The following BRSK2 variants were observed in gnomAD, a reference collection of about 807,000 sequenced individuals.
The protein encoded by BRSK2 is BR serine/threonine kinase 2.
BRSK2 carries 19 observed loss-of-function variants against 83.3 expected under a neutral mutation model. The observed-to-expected ratio is 0.23, with a 90% CI of 0.16 to 0.33. The LOEUF (loss-of-function observed/expected upper bound fraction) is 0.33. Among genes scored for constraint, BRSK2 ranks in the 10% least tolerant of loss-of-function variants. BRSK2 has a pLI of 1.00. For synonymous variants in BRSK2, 519 were observed against 435.4 expected (o/e 1.19, Z -2.39); for missense variants, 798 against 1,042.3 (o/e 0.77, Z 3.23).
intron 13 of BRSK2, 79 bp from the exon 14 acceptor site, chr11:1,450,508 C>T (rs1014469395): frequency 1.7e-5 from 12 of 691,398 alleles, no homozygotes; most frequent in South Asian, 3.7e-5. Context: ...CACCCCTGGG[C>T]CCGCCTGCCC....
chr11:1,410,365 G>A lies in BRSK2; in HGVS notation c.91+19990G>A, dbSNP rs968147315. On this transcript the variant is annotated intron_variant, in intron 1 of 19. Coordinates refer to ENST00000528841, the MANE Select transcript of BRSK2 (RefSeq NM_001256627.2). ...GTTTGTGACGTCGGCCTCGCAGAGC[G>A]GTGACGGTCGCAGAGTCCGTGTTTG... The A allele has an allele frequency of 3.7e-6, 3 of 801,874 alleles. No homozygotes were observed. The African/African-American group carries it at 6.2e-5, about 17-fold the overall frequency. The allele number at this position is 801,874 out of a possible 1,614,324, so 49.7% of individuals were successfully genotyped here. A position where few individuals can be genotyped will look rare whatever the true frequency, so the allele number is the denominator to read the frequency against.
At chr11:1,391,295 C>A (rs1163957505) in intron 1 of BRSK2, among the ~76,000 whole-genome samples, 1 of 152,142 alleles carries the variant, frequency 6.6e-6, no homozygotes, top group Admixed American at 6.5e-5. Context: ...TCCCCGAGGT[C>A]CCACGGCACT....
At chr11:1,459,315 C>T in intron 19 of BRSK2, 76 bp downstream of exon 19, 2 of 1,553,218 alleles carry the variant, frequency 1.3e-6, no homozygotes, top group Middle Eastern at 1.7e-4. Flanking sequence ...GTGGCCGCCA[C>T]CTGCCGCCCG....
In BRSK2 at chr11:1,449,773, C is replaced by T. The variant is rs1395036311; in HGVS notation, c.1227-3C>T. 5 of 1,611,866 alleles carry T rather than the reference C, an allele frequency of 3.1e-6. No individual in the cohort carries two copies. Among genetic ancestry groups the T allele is most frequent in the Admixed American group, 1.7e-5 (1 of 59,930 alleles). ...CAGTGGCCCTGTACCTTGTGACCTC[C>T]AGGTCTCGGTCCATCAGCGGTGCCT... On this transcript the variant is annotated splice_region_variant and splice_polypyrimidine_tract_variant and intron_variant, in intron 12 of 19. Transcript: ENST00000528841.
At chr11:1,451,856 CCTTT>C (rs1283311801) in intron 15 of BRSK2, among the ~76,000 whole-genome samples, 1 of 152,174 alleles carries the variant, frequency 6.6e-6, no homozygotes, top group Non-Finnish European at 1.5e-5. Flanking sequence ...GGCCCCGCCG[CCTTT>C]CTGAGCCGTG....
At chr11:1,458,950 G>GTGGCTCCGCCTTGTTCCC (rs1329038562) in intron 18 of BRSK2, among the ~76,000 whole-genome samples, 1 of 152,156 alleles carries the variant, frequency 6.6e-6, no homozygotes, top group East Asian at 1.9e-4. Context: ...TGCTGCCCAG[G>GTGGCTCCGCCTTGTTCCC]TGGCTCCGCC....
Position 1,454,709 on chromosome 11 carries a change from C to G in BRSK2, c.1668+101C>G. On this transcript the variant is annotated intron_variant, in intron 16 of 19. Coordinates refer to ENST00000528841, the MANE Select transcript of BRSK2 (RefSeq NM_001256627.2). This position sits in a 1 kb window ranked among gnomAD's most constrained non-coding sequence, Gnocchi z 5.2. Reference sequence around the variant, plus strand: ...CTCACGTAGACAGGACATGTCCACGCGCACAGCACGGACGTCCGCTCACCC... The same window carrying G: ...CTCACGTAGACAGGACATGTCCACGGGCACAGCACGGACGTCCGCTCACCC... 1 of 1,445,684 alleles carries G rather than the reference C, an allele frequency of 6.9e-7. No individual in the cohort carries two copies. The highest frequency in any genetic ancestry group is 9.4e-7 in the Non-Finnish European group (1 of 1,060,674). 89.6% of individuals were successfully genotyped at this position (1,445,684 alleles called of 1,614,324 possible). A position where few individuals can be genotyped will look rare whatever the true frequency, so the allele number is the denominator to read the frequency against.
intron 1 of BRSK2, among the ~76,000 whole-genome samples, chr11:1,414,347 A>G (rs116519692): frequency 0.012 from 1,880 of 152,296 alleles, 40 homozygotes; most frequent in African/African-American, 0.043. Context: ...CCACTGCCCC[A>G]CAGTGTGCTC....
At chr11:1,424,885 C>T (rs927968675) in intron 1 of BRSK2, among the ~76,000 whole-genome samples, 2 of 152,186 alleles carry the variant, frequency 1.3e-5, no homozygotes, top group Non-Finnish European at 1.5e-5. Context: ...CTTCCTGGGG[C>T]TCACACACAG....
intron 18 of BRSK2, among the ~76,000 whole-genome samples, chr11:1,458,000 G>C (rs1017033328): frequency 4.2e-4 from 64 of 152,186 alleles, no homozygotes; most frequent in African/African-American, 1.5e-3. Flanking sequence ...CTACAGCGGA[G>C]GCCATGCCGT....
chr11:1,456,844 C>T (rs963935432), intron 18 of BRSK2, 157 bp downstream of exon 18: 31 of 1,364,516 alleles, frequency 2.3e-5, no homozygotes, highest in Non-Finnish European at 2.9e-5. Flanking sequence ...CTGCACCCCT[C>T]AGGGAGCAGA....
intron 1 of BRSK2, among the ~76,000 whole-genome samples, chr11:1,433,527 A>T (rs1435811275): frequency 6.6e-6 from 1 of 152,150 alleles, no homozygotes; most frequent in Admixed American, 6.5e-5. Flanking sequence ...GGCTTTTGTC[A>T]CGGACCACGC....
rs1358360139 is a variant in BRSK2, at chr11:1,461,762, T to C, written c.*1039T>C. ...TAAACTTTTTTTTCTTGGTGGTTTT[T>C]GGAAAAGGGTGTGGGGGTGGGGGCG... On this transcript the variant is annotated 3_prime_UTR_variant, in exon 20 of 20. Coordinates refer to ENST00000528841, the MANE Select transcript of BRSK2 (RefSeq NM_001256627.2). 7.0e-6 allele frequency: 1 copy of C among 143,742 alleles called. No homozygotes were observed. The highest frequency in any genetic ancestry group is 2.6e-5 in the African/African-American group (1 of 38,150). The allele number at this position is 143,742 out of a possible 1,614,324, so 8.9% of individuals were successfully genotyped here.
In BRSK2 at chr11:1,461,799, G is replaced by C. The variant is rs947570200; in HGVS notation, c.*1076G>C. The C allele has an allele frequency of 6.6e-6, 1 of 152,152 alleles. No individual in the cohort carries two copies. Among genetic ancestry groups the C allele is most frequent in the Non-Finnish European group, 1.5e-5 (1 of 68,032 alleles). The allele number at this position is 152,152 out of a possible 1,614,324, so 9.4% of individuals were successfully genotyped here. A position where few individuals can be genotyped will look rare whatever the true frequency, so the allele number is the denominator to read the frequency against. ...TGGGGGTGGGGGCGCCGCTGGGGCAGGGCCAGGTTTTGTGTTTTAGTCCCT... is the reference window on the plus strand; with the variant it reads ...TGGGGGTGGGGGCGCCGCTGGGGCACGGCCAGGTTTTGTGTTTTAGTCCCT... On this transcript the variant is annotated 3_prime_UTR_variant, in exon 20 of 20. Transcript: ENST00000528841.
intron 1 of BRSK2, among the ~76,000 whole-genome samples, chr11:1,414,381 C>G (rs1847877571): frequency 6.6e-6 from 1 of 152,216 alleles, no homozygotes; most frequent in Admixed American, 6.5e-5. Flanking sequence ...GCGCTAGGAA[C>G]TTCCCTCTGT....
chr11:1,414,282 T>A (rs1847867406), intron 1 of BRSK2, among the ~76,000 whole-genome samples: 1 of 152,206 alleles, frequency 6.6e-6, no homozygotes, highest in Non-Finnish European at 1.5e-5. Context: ...TCCAGGCTGC[T>A]TCTCCGCCTG....
intron 14 of BRSK2, 44 bp from the exon 15 acceptor site, chr11:1,451,327 G>A (rs371721939): frequency 1.4e-5 from 23 of 1,610,740 alleles, no homozygotes; most frequent in South Asian, 2.2e-5. Flanking sequence ...GGGAAGGATG[G>A]AGCGGTCACC....
chr11:1,450,543 C>T (rs1485798976), intron 13 of BRSK2, 44 bp from the exon 14 acceptor site: 5 of 1,109,632 alleles, frequency 4.5e-6, no homozygotes, highest in Non-Finnish European at 6.5e-6. Flanking sequence ...CGGCCCCCAC[C>T]CGCCGGGATT....
intron 18 of BRSK2, among the ~76,000 whole-genome samples, 163 bp from the exon 19 acceptor site, chr11:1,459,029 C>T (rs1847035103): frequency 6.6e-6 from 1 of 152,082 alleles, no homozygotes; most frequent in African/African-American, 2.4e-5. Context: ...ATAAGCCCCG[C>T]CCCCTCTGGC....
Sources: allele counts gnomAD v4.1 joint callset (sites outside exome capture counted in the v4.1 genomes callset), GRCh38; gene constraint gnomAD v4.1.1; non-coding constraint Gnocchi (gnomAD v3.1); transcripts MANE v1.5; gene names NCBI Gene and HGNC (gene_info 2026-07-23, HGNC 2026-07-21).